OR51B5: variants seen among roughly 807,000 people sequenced by gnomAD.
OR51B5 encodes the protein olfactory receptor 51B5.
For synonymous variants in OR51B5, 186 were observed against 144.8 expected (o/e 1.28, Z -2.04); for missense variants, 456 against 374.6 (o/e 1.22, Z -1.79).
chr11:5,363,461 T>A (rs918175342), intron 1 of OR51B5, among the ~76,000 whole-genome samples: 1 of 80,028 alleles, frequency 1.2e-5, no homozygotes, highest in Non-Finnish European at 2.7e-5. Flanking sequence ...ACACACACTC[T>A]CTCTCTCACA....
chr11:5,403,741 C>T (rs757497299), intron 1 of OR51B5, among the ~76,000 whole-genome samples: 2 of 152,108 alleles, frequency 1.3e-5, no homozygotes, highest in African/African-American at 4.8e-5. Flanking sequence ...GAACAGTACA[C>T]AAAAGTGAGG....
chr11:5,391,973 G>C (rs117733673), intron 1 of OR51B5: 3 of 152,270 alleles, frequency 2.0e-5, no homozygotes, highest in Non-Finnish European at 4.4e-5. Context: ...GGAGGCTGAG[G>C]TGGGAAGAAT....
At chr11:5,452,614 G>C (rs1444041274) in intron 1 of OR51B5, among the ~76,000 whole-genome samples, 2 of 135,082 alleles carry the variant, frequency 1.5e-5, no homozygotes, top group East Asian at 2.2e-4. Context: ...TATGGAGAGA[G>C]TATGTGAATG....
chr11:5,367,827 G>A (rs947959240), intron 1 of OR51B5, among the ~76,000 whole-genome samples: 6 of 152,132 alleles, frequency 3.9e-5, no homozygotes, highest in South Asian at 2.1e-4. Flanking sequence ...AGAGGCACTT[G>A]CACAATATAT....
chr11:5,403,449 T>C (rs1439813497), intron 1 of OR51B5: 1 of 471,528 alleles, frequency 2.1e-6, no homozygotes, highest in African/African-American at 2.0e-5. Flanking sequence ...CTACCTCTTC[T>C]TCCCACCTGT....
chr11:5,455,719 T>A (rs1850947654), intron 1 of OR51B5: 1 of 152,048 alleles, frequency 6.6e-6, no homozygotes, highest in East Asian at 1.9e-4. Flanking sequence ...ATCTAGAGGT[T>A]TTTTCTCTTT....
intron 1 of OR51B5, chr11:5,488,963 C>T (rs917744446): frequency 6.2e-7 from 1 of 1,613,934 alleles, no homozygotes; most frequent in African/African-American, 1.3e-5. Flanking sequence ...AAGATGCTGG[C>T]CATTTTGTGG....
intron 1 of OR51B5, among the ~76,000 whole-genome samples, chr11:5,443,880 GTCAC>G (rs1237659475): frequency 1.3e-5 from 2 of 151,064 alleles, no homozygotes; most frequent in Admixed American, 6.6e-5. Flanking sequence ...CACACACACA[GTCAC>G]TCAAAGGTAC....
upstream of OR51B5, among the ~76,000 whole-genome samples, chr11:5,343,782 TAAGCA>T (rs1418487913): frequency 2.0e-5 from 3 of 152,206 alleles, no homozygotes; most frequent in Admixed American, 6.5e-5. Context: ...TATATGCATT[TAAGCA>T]TTCTCTTCAG....
intron 1 of OR51B5, among the ~76,000 whole-genome samples, chr11:5,375,394 G>A (rs1362364002): frequency 1.3e-5 from 2 of 149,292 alleles, no homozygotes; most frequent in African/African-American, 4.9e-5. Flanking sequence ...AAAATGTGAA[G>A]ACCATCAAGA....
At chr11:5,352,255 T>C (rs1294843543) in intron 1 of OR51B5, 6 of 1,614,246 alleles carry the variant, frequency 3.7e-6, no homozygotes, top group Non-Finnish European at 5.1e-6. Context: ...CCTGGTCTTC[T>C]ATGTCACTGT....
intron 1 of OR51B5, among the ~76,000 whole-genome samples, chr11:5,483,547 G>T (rs992555151): frequency 7.0e-5 from 9 of 129,120 alleles, no homozygotes; most frequent in Non-Finnish European, 1.3e-4. Context: ...AGAGTAGAAA[G>T]TACAGCTAAA....
chr11:5,390,014 T>C, intron 1 of OR51B5: 1 of 1,613,434 alleles, frequency 6.2e-7, no homozygotes, highest in Non-Finnish European at 8.5e-7. Flanking sequence ...AGATATCACC[T>C]TCAATAATCT....
chr11:5,403,171 G>C (rs1050407306), intron 1 of OR51B5: 1 of 467,424 alleles, frequency 2.1e-6, no homozygotes, highest in Admixed American at 2.4e-5. Flanking sequence ...CTATCTTGTG[G>C]GAACATTTCT....
intron 1 of OR51B5, chr11:5,422,622 A>T (rs761737952): frequency 2.3e-5 from 37 of 1,613,950 alleles, no homozygotes; most frequent in South Asian, 4.4e-5. Context: ...CTCACCAATG[A>T]AGTCATTGGT....
At chr11:5,495,353 C>A (rs1369935271) in intron 1 of OR51B5, among the ~76,000 whole-genome samples, 1 of 152,066 alleles carries the variant, frequency 6.6e-6, no homozygotes, top group Non-Finnish European at 1.5e-5. Context: ...CACTTTTAAT[C>A]TTAGTATAAA....
chr11:5,502,871 A>C (rs1846316290), intron 1 of OR51B5, among the ~76,000 whole-genome samples: 1 of 152,144 alleles, frequency 6.6e-6, no homozygotes, highest in Non-Finnish European at 1.5e-5. Context: ...TATATTTTAA[A>C]CTCCTTAGGG....
exon 1 of OR51B5, chr11:5,342,658 T>C (rs1462290902): frequency 3.1e-6 from 5 of 1,613,526 alleles, no homozygotes; most frequent in Non-Finnish European, 3.4e-6. Context: ...TGACACTATA[T>C]GTTATAGGAT....
At chr11:5,361,202 C>G (rs907937009) in intron 1 of OR51B5, among the ~76,000 whole-genome samples, 3 of 152,154 alleles carry the variant, frequency 2.0e-5, no homozygotes, top group African/African-American at 7.2e-5. Flanking sequence ...ATTTTCTTTT[C>G]TACCCCTATG....
Sources: gnomAD v4.1 joint callset for allele counts (sites outside exome capture counted in the v4.1 genomes callset) on GRCh38, gnomAD v4.1.1 for gene constraint, MANE v1.5 for transcripts, NCBI Gene and HGNC (gene_info 2026-07-23, HGNC 2026-07-21) for gene names.